NAV2: variants seen among roughly 807,000 people sequenced by gnomAD.
NAV2 encodes the protein neuron navigator 2.
In NAV2, 54 loss-of-function variants were observed where a neutral mutation model predicts 223.2. That is an observed-to-expected ratio of 0.24 (90% CI 0.19 to 0.30). The LOEUF (loss-of-function observed/expected upper bound fraction) is 0.30, where lower values mean the gene tolerates loss of function less well. Among genes scored for constraint, NAV2 ranks in the 10% least tolerant of loss-of-function variants. NAV2 has a pLI of 1.00. For synonymous variants in NAV2, 1,279 were observed against 1,239.3 expected (o/e 1.03, Z -0.67); for missense variants, 2,806 against 3,147.5 (o/e 0.89, Z 2.60).
chr11:19,791,346 C>T (rs573045937), intron 1 of NAV2, among the ~76,000 whole-genome samples: 36 of 152,270 alleles, frequency 2.4e-4, no homozygotes, highest in African/African-American at 8.2e-4. Context: ...CCTATCCAGC[C>T]CGCCCCTTGT....
At chr11:19,876,530 T>G (rs2062841038) in intron 4 of NAV2, among the ~76,000 whole-genome samples, 1 of 152,176 alleles carries the variant, frequency 6.6e-6, no homozygotes, top group South Asian at 2.1e-4. Context: ...GTTATAAAAA[T>G]GCTGCCTCCT....
upstream of NAV2, chr11:19,712,223 G>T (rs1465802084): frequency 3.9e-5 from 6 of 152,398 alleles, no homozygotes; most frequent in Non-Finnish European, 7.3e-5. Context: ...TCTGTGGTAG[G>T]TTGCGTGGAG....
intron 6 of NAV2, among the ~76,000 whole-genome samples, chr11:19,913,344 C>G (rs892991221): frequency 5.9e-5 from 9 of 152,180 alleles, no homozygotes; most frequent in African/African-American, 2.2e-4. Flanking sequence ...CTTTCCCAGT[C>G]TGTAATATCC....
At chr11:19,815,720 C>T (rs2059059046) in intron 1 of NAV2, among the ~76,000 whole-genome samples, 1 of 152,208 alleles carries the variant, frequency 6.6e-6, no homozygotes, top group South Asian at 2.1e-4. Context: ...TGGACAGATG[C>T]TAACCTTGTC....
At chr11:19,917,964 A>T (rs2043949187) in intron 6 of NAV2, among the ~76,000 whole-genome samples, 2 of 152,204 alleles carry the variant, frequency 1.3e-5, no homozygotes, top group Admixed American at 1.3e-4. Flanking sequence ...GCAACAGGCT[A>T]TAGCTTCCCC....
chr11:19,824,670 A>G (rs2059557559), intron 1 of NAV2, among the ~76,000 whole-genome samples: 1 of 152,176 alleles, frequency 6.6e-6, no homozygotes, highest in African/African-American at 2.4e-5. Context: ...GGAGAGAGGA[A>G]AGTGGGAAAA....
chr11:20,035,845 G>T, intron 11 of NAV2, 114 bp from the exon 12 acceptor site: 1 of 1,220,492 alleles, frequency 8.2e-7, no homozygotes, highest in Non-Finnish European at 1.1e-6. Flanking sequence ...TTTGTCCGGG[G>T]CTTCATGGCA....
chr11:19,373,179 A>C (rs188432202), intron 1 of NAV2, among the ~76,000 whole-genome samples: 2 of 152,228 alleles, frequency 1.3e-5, no homozygotes, highest in Admixed American at 1.3e-4. Context: ...CTCAGAACTT[A>C]GTCCTTTCTT....
At chr11:19,540,697 A>G (rs966947301) in intron 1 of NAV2, among the ~76,000 whole-genome samples, 1 of 152,128 alleles carries the variant, frequency 6.6e-6, no homozygotes, top group Non-Finnish European at 1.5e-5. Flanking sequence ...CCCTGACCCA[A>G]TCCCTTTCTT....
chr11:19,351,799 T>C (rs1368802941), intron 1 of NAV2, among the ~76,000 whole-genome samples: 1 of 87,558 alleles, frequency 1.1e-5, no homozygotes, highest in Non-Finnish European at 2.2e-5. Context: ...ATGTTGTGTA[T>C]GGTAAAAAAA....
intron 11 of NAV2, among the ~76,000 whole-genome samples, chr11:20,007,146 A>G (rs1481321591): frequency 6.6e-6 from 1 of 152,058 alleles, no homozygotes; most frequent in Non-Finnish European, 1.5e-5. Flanking sequence ...TTGTAGAGAC[A>G]GGGTTTCACC....
intron 10 of NAV2, among the ~76,000 whole-genome samples, chr11:19,965,219 T>G (rs2048672746): frequency 6.6e-6 from 1 of 152,096 alleles, no homozygotes; most frequent in South Asian, 2.1e-4. Context: ...TGCCTTAAGG[T>G]TGCAGAGGTG....
intron 1 of NAV2, among the ~76,000 whole-genome samples, chr11:19,556,320 T>C (rs2044889955): frequency 6.6e-6 from 1 of 152,158 alleles, no homozygotes; most frequent in Non-Finnish European, 1.5e-5. Context: ...AAATTATGTG[T>C]GTAAGAAGCA....
chr11:19,635,982 G>A (rs568430073), intron 1 of NAV2, among the ~76,000 whole-genome samples: 5 of 152,184 alleles, frequency 3.3e-5, no homozygotes, highest in African/African-American at 9.7e-5. Context: ...TTGCAGTGAA[G>A]CTAGAATAGC....
chr11:19,414,018 G>T lies in NAV2; in HGVS notation c.75+62991G>T, dbSNP rs564049259. Among the ~76,000 whole-genome samples, 27 of 152,234 alleles carry T rather than the reference G, an allele frequency of 1.8e-4. No homozygotes were observed. In the East Asian group the frequency reaches 5.2e-3, roughly 29 times the overall value. ...ATGAAGAAACTGCATCAACTAACAG[G>T]CAAAATAACCAGCTAGCATCATAAT... is the stretch of plus-strand genomic sequence containing the variant. On this transcript the variant is annotated intron_variant, in intron 1 of 37. Coordinates refer to the NAV2 transcript ENST00000360655.
intron 1 of NAV2, chr11:19,507,032 G>A (rs916731121): frequency 6.6e-6 from 1 of 152,144 alleles, no homozygotes; most frequent in East Asian, 1.9e-4. Flanking sequence ...TGGCGCCAGA[G>A]CTTGGCAATG....
chr11:19,678,129 A>G (rs1233314004), intron 1 of NAV2, among the ~76,000 whole-genome samples: 1 of 152,172 alleles, frequency 6.6e-6, no homozygotes, highest in Non-Finnish European at 1.5e-5. Flanking sequence ...TTCAGAGGGG[A>G]GTTGAGTCCC....
intron 22 of NAV2, among the ~76,000 whole-genome samples, chr11:20,076,513 C>A (rs2059763788): frequency 2.0e-5 from 3 of 152,216 alleles, no homozygotes; most frequent in Admixed American, 6.5e-5. Flanking sequence ...TCCTAGCTGC[C>A]TAATGGCTTC....
At chr11:19,560,542 G>A (rs2045057963) in intron 1 of NAV2, among the ~76,000 whole-genome samples, 1 of 152,190 alleles carries the variant, frequency 6.6e-6, no homozygotes, top group Non-Finnish European at 1.5e-5. Context: ...CTGATGTGGA[G>A]TATGCCTTCA....
Sources: gnomAD v4.1 joint callset for allele counts (sites outside exome capture counted in the v4.1 genomes callset) on GRCh38, gnomAD v4.1.1 for gene constraint, MANE v1.5 for transcripts, NCBI Gene and HGNC (gene_info 2026-07-23, HGNC 2026-07-21) for gene names.